Variants in ADGRB2 observed in about 807,000 individuals in gnomAD.
ADGRB2 encodes adhesion G protein-coupled receptor B2.
A neutral mutation model predicts 178.7 loss-of-function variants in ADGRB2; 47 were observed. The ratio of observed to expected loss-of-function variants is 0.26; its 90% CI spans 0.21 to 0.34. The LOEUF (loss-of-function observed/expected upper bound fraction) is 0.34, where lower values mean the gene tolerates loss of function less well. ADGRB2 is among the 10% of genes least tolerant of loss of function. The probability of loss-of-function intolerance (pLI) is 1.00; values close to 1 mark genes in which losing one functional copy is unlikely to be tolerated. For missense variants in ADGRB2, 1,584 were observed against 2,180.8 expected (o/e 0.73, Z 5.45); for synonymous variants, 870 against 912.4 (o/e 0.95, Z 0.84).
In ADGRB2 at chr1:31,759,199, T is replaced by C; in HGVS notation, c.-190-1688A>G. On this transcript the variant is annotated intron_variant, in intron 1 of 32. Coordinates refer to ENST00000373658, the MANE Select transcript of ADGRB2 (RefSeq NM_001364857.2). This position sits in a 1 kb window ranked among gnomAD's most constrained non-coding sequence, Gnocchi z 4.3. The stretch of plus-strand genomic sequence containing the variant: ...ATATGTACACGGACATGCACACAGG[T>C]GAAACCCACAGATTCATGCTGTCAC... 1.3e-6 allele frequency: 1 copy of C among 741,134 alleles called. No homozygotes were observed. Among genetic ancestry groups the C allele is most frequent in the Non-Finnish European group, 2.5e-6 (1 of 394,570 alleles). 45.9% of individuals were successfully genotyped at this position (741,134 alleles called of 1,614,324 possible). A position where few individuals can be genotyped will look rare whatever the true frequency, so the allele number is the denominator to read the frequency against.
Position 31,737,427 on chromosome 1 carries a change from G to GC in ADGRB2, c.2979+1dup. ...CTGGCAGCCCTGGAAGTCTGCACCT[G>GC]CCTTGCTCAGCACCCGGGACTGGCC... On this transcript the variant is annotated splice_donor_variant, in intron 20 of 32. Transcript: ENST00000373658. LOFTEE classifies it high-confidence loss of function. 1.2e-6 allele frequency: 2 copies of GC among 1,613,434 alleles called. No individual in the cohort carries two copies. Among genetic ancestry groups the GC allele is most frequent in the Non-Finnish European group, 1.7e-6 (2 of 1,179,364 alleles).
Position 31,740,607 on chromosome 1 carries a change from C to T in ADGRB2, c.1795-66G>A. ...AGCTGGAACCAGACCCTGGCCCATCCCACTCCAGTCCACCCACTGCTTGCA... is the reference window on the plus strand; with the variant it reads ...AGCTGGAACCAGACCCTGGCCCATCTCACTCCAGTCCACCCACTGCTTGCA... On this transcript the variant is annotated intron_variant, in intron 11 of 32. Transcript: ENST00000373658. The surrounding 1 kb of genome is among the most constrained non-coding windows in gnomAD (Gnocchi z 5.9). 6.9e-7 allele frequency: 1 copy of T among 1,451,720 alleles called. No individual in the cohort carries two copies. The highest frequency in any genetic ancestry group is 2.5e-5 in the Admixed American group (1 of 40,474). 89.9% of individuals were successfully genotyped at this position (1,451,720 alleles called of 1,614,324 possible).
intron 25 of ADGRB2, among the ~76,000 whole-genome samples, chr1:31,734,590 C>A (rs1182618377): frequency 6.6e-6 from 1 of 152,186 alleles, no homozygotes; most frequent in African/African-American, 2.4e-5. Flanking sequence ...GAGGTTGAGC[C>A]TAAGGTCTTT....
intron 8 of ADGRB2, 41 bp downstream of exon 8, chr1:31,742,012 G>A (rs753183478): frequency 6.3e-7 from 1 of 1,587,362 alleles, no homozygotes; most frequent in Non-Finnish European, 8.6e-7. Flanking sequence ...GTACCCCCAT[G>A]GTCAGAGCTG....
chr1:31,736,798 G>A (rs112137152), intron 20 of ADGRB2, 75 bp from the exon 21 acceptor site: 40 of 1,518,102 alleles, frequency 2.6e-5, no homozygotes, highest in Middle Eastern at 2.2e-4. Flanking sequence ...TCCCACGCCC[G>A]CTGCTGGGCG....
In ADGRB2 at chr1:31,740,151, C is replaced by T; in HGVS notation, c.2017G>A (p.Val673Met). 6.2e-7 allele frequency: 1 copy of T among 1,614,142 alleles called. No homozygotes were observed. The highest frequency in any genetic ancestry group is 8.5e-7 in the Non-Finnish European group (1 of 1,180,020). ...QRFFQVVSFMVDAENKEKWDD... is the reference protein window; with the variant it reads ...QRFFQVVSFMMDAENKEKWDD... Reference sequence around the variant, plus strand: ...CACTTCTCCTTGTTTTCCGCATCCACCATGAAGCTCACCACCTGGAAGAAG... The same window carrying T: ...CACTTCTCCTTGTTTTCCGCATCCATCATGAAGCTCACCACCTGGAAGAAG... The change falls in exon 13 of 33, where the codon GTG becomes ATG. Residue 673 changes from valine (V) to methionine (M), a missense_variant. Val to Met is a conservative substitution (Grantham distance 21). This residue lies in a region of ADGRB2 where 62 missense variants were observed against 140.3 expected (regional missense o/e 0.44). Transcript: ENST00000373658. This position sits in a 1 kb window ranked among gnomAD's most constrained non-coding sequence, Gnocchi z 5.9.
At chr1:31,738,382 A>G in intron 17 of ADGRB2, 56 bp from the exon 18 acceptor site, 1 of 1,607,732 alleles carries the variant, frequency 6.2e-7, no homozygotes, top group Non-Finnish European at 8.5e-7. Flanking sequence ...CCCTGCCCCC[A>G]GTCCTGGCCA....
Position 31,736,656 on chromosome 1 carries a change from G to T in ADGRB2, c.3047C>A (p.Thr1016Asn). ...AGCCAGGTAGGACTGCCAGGCCTCGGTAAGCACCCAGCAAAAGGAGGAGAG... is the reference window on the plus strand; with the variant it reads ...AGCCAGGTAGGACTGCCAGGCCTCGTTAAGCACCCAGCAAAAGGAGGAGAG... The part of the protein sequence containing the change: ...FFLSSFCWVL[T>N]EAWQSYLAVI... The change falls in exon 21 of 33, where the codon ACC becomes AAC. Residue 1016 changes from threonine (T) to asparagine (N), a missense_variant. Around this residue, in one of 3 missense-constraint regions of ADGRB2, gnomAD observed 865 missense variants for 1,192.8 expected, o/e 0.73. Transcript: ENST00000373658. The T allele has an allele frequency of 1.9e-6, 3 of 1,614,170 alleles. No individual in the cohort carries two copies. The highest frequency in any genetic ancestry group is 2.5e-6 in the Non-Finnish European group (3 of 1,180,006).
rs1279768973 is a variant in ADGRB2, at chr1:31,731,366, A to G, written c.3814T>C (p.Ser1272Pro). ...TCATCCTCATCCAGGGACAGGCGGG[A>G]TAGTGTGCCCGTGATGGTGGACGGG... ...CNPSTITGTL[S>P]RLSLDEDEEP... The change falls in exon 29 of 33, where the codon TCC becomes CCC. Residue 1272 changes from serine (S) to proline (P), a missense_variant. Around this residue, in one of 3 missense-constraint regions of ADGRB2, gnomAD observed 865 missense variants for 1,192.8 expected, o/e 0.73. Transcript: ENST00000373658. The G allele has an allele frequency of 6.2e-7, 1 of 1,611,744 alleles. No individual in the cohort carries two copies. The highest frequency in any genetic ancestry group is 8.5e-7 in the Non-Finnish European group (1 of 1,179,506).
chr1:31,740,905 A>G lies in ADGRB2; in HGVS notation c.1795-364T>C, dbSNP rs998661051. Among the ~76,000 whole-genome samples, 2 of 150,132 alleles carry G rather than the reference A, an allele frequency of 1.3e-5. No individual in the cohort carries two copies. The highest frequency in any genetic ancestry group is 6.6e-5 in the Admixed American group (1 of 15,152). On this transcript the variant is annotated intron_variant, in intron 11 of 32. Transcript: ENST00000373658. The surrounding 1 kb of genome is among the most constrained non-coding windows in gnomAD (Gnocchi z 5.9). ...TGTGTGGGCGCGCGCGCACACACAC[A>G]CACACACACACACACACACACTGTC...
intron 20 of ADGRB2, among the ~76,000 whole-genome samples, chr1:31,737,182 C>G (rs1645660975): frequency 6.6e-6 from 1 of 152,218 alleles, no homozygotes; most frequent in Non-Finnish European, 1.5e-5. Context: ...CTGCCCAACA[C>G]ACACCCAGCG....
intron 26 of ADGRB2, 96 bp from the exon 27 acceptor site, chr1:31,732,708 G>A (rs2148896144): frequency 7.1e-7 from 1 of 1,407,606 alleles, no homozygotes; most frequent in Middle Eastern, 1.8e-4. Context: ...GGCAAGTGTA[G>A]AAGGAAGGCA....
chr1:31,731,549 G>T lies in ADGRB2; in HGVS notation c.3761-130C>A, dbSNP rs116792096. The T allele has an allele frequency of 7.6e-4, 880 of 1,164,976 alleles. 8 individuals are homozygous for T. In the African/African-American group the frequency reaches 0.013, roughly 17 times the overall value. The allele number at this position is 1,164,976 out of a possible 1,614,324, so 72.2% of individuals were successfully genotyped here. ...AAGGAAACTGGGTCCTGGAGAGATG[G>T]CTGGGTGGTTGGTAATCTCTCACAT... On this transcript the variant is annotated intron_variant, in intron 28 of 32. Coordinates refer to ENST00000373658, the MANE Select transcript of ADGRB2 (RefSeq NM_001364857.2).
chr1:31,738,764 C>A, intron 16 of ADGRB2, 68 bp downstream of exon 16: 1 of 1,600,208 alleles, frequency 6.2e-7, no homozygotes, highest in Non-Finnish European at 8.6e-7. Flanking sequence ...AGAGTGCTTC[C>A]CACCAGCCAG....
At position 31,735,939 on chromosome 1, in the gene ADGRB2, T is replaced by A; in HGVS notation, c.3201-46A>T. 1 of 1,522,556 alleles carries A rather than the reference T, an allele frequency of 6.6e-7. No homozygotes were observed. The highest frequency in any genetic ancestry group is 8.9e-7 in the Non-Finnish European group (1 of 1,126,510). 94.3% of individuals were successfully genotyped at this position (1,522,556 alleles called of 1,614,324 possible). A position where few individuals can be genotyped will look rare whatever the true frequency, so the allele number is the denominator to read the frequency against. ...GGTGTCAGACACCCAGCAGCCTCCC[T>A]CCCCACCCTCAAACACCATCCCTCA... On this transcript the variant is annotated intron_variant, in intron 22 of 32. Transcript: ENST00000373658. This position sits in a 1 kb window ranked among gnomAD's most constrained non-coding sequence, Gnocchi z 6.0.
chr1:31,733,053 G>A lies in ADGRB2; in HGVS notation c.3543C>T (p.Val1181=). 1 of 1,579,336 alleles carries A rather than the reference G, an allele frequency of 6.3e-7. No individual in the cohort carries two copies. The highest frequency in any genetic ancestry group is 1.2e-5 in the South Asian group (1 of 86,206). ...AVLAMTDRRS[V]LFQALFAVFN... The stretch of plus-strand genomic sequence containing the variant: ...AGACAGCAAAGAGGGCCTGGAAGAG[G>A]ACGGAACGGCGGTCTGTCATAGCCA... The change falls in exon 26 of 33, where the codon GTC becomes GTT. Residue 1181 remains valine (V), a synonymous_variant. Coordinates refer to ENST00000373658, the MANE Select transcript of ADGRB2 (RefSeq NM_001364857.2). The surrounding 1 kb of genome is among the most constrained non-coding windows in gnomAD (Gnocchi z 4.3).
At chr1:31,739,879 G>T in intron 14 of ADGRB2, 47 bp downstream of exon 14, 1 of 1,533,822 alleles carries the variant, frequency 6.5e-7, no homozygotes, top group Non-Finnish European at 9.0e-7. Context: ...AGAACGTCTT[G>T]AGTTCTGGCA....
At chr1:31,762,755 C>T (rs1211618790) in intron 1 of ADGRB2, among the ~76,000 whole-genome samples, 1 of 152,246 alleles carries the variant, frequency 6.6e-6, no homozygotes, top group African/African-American at 2.4e-5. Flanking sequence ...ACCGCTGATG[C>T]TCTGGCTGCG....
chr1:31,742,631 T>C (rs1646037522), intron 7 of ADGRB2, among the ~76,000 whole-genome samples: 1 of 152,094 alleles, frequency 6.6e-6, no homozygotes, highest in Non-Finnish European at 1.5e-5. Context: ...CGTCACAGGG[T>C]ACTAACTCAT....
Sources: gnomAD v4.1 joint callset for allele counts (sites outside exome capture counted in the v4.1 genomes callset) on GRCh38, gnomAD v4.1.1 for gene constraint, gnomAD v4.1.1 regional missense constraint, Gnocchi (gnomAD v3.1) non-coding constraint, MANE v1.5 for transcripts, NCBI Gene and HGNC (gene_info 2026-07-23, HGNC 2026-07-21) for gene names.